The following ADAMTS6 variants were observed in gnomAD, a reference collection of about 807,000 sequenced individuals.
The protein encoded by ADAMTS6 is A disintegrin and metalloproteinase with thrombospondin motifs 6.
ADAMTS6 carries 23 observed loss-of-function variants against 144.3 expected under a neutral mutation model. That is an observed-to-expected ratio of 0.16 (90% confidence interval 0.11 to 0.23). The LOEUF (loss-of-function observed/expected upper bound fraction) is 0.23. ADAMTS6 is among the 10% of genes least tolerant of loss of function. ADAMTS6 has a pLI of 1.00. For synonymous variants in ADAMTS6, 444 were observed against 457.5 expected (o/e 0.97, Z 0.38); for missense variants, 999 against 1,379.6 (o/e 0.72, Z 4.37).
chr5:65,360,331 A>G (rs776212494), intron 7 of ADAMTS6, among the ~76,000 whole-genome samples: 2 of 152,144 alleles, frequency 1.3e-5, no homozygotes, highest in African/African-American at 2.4e-5. Context: ...AACCACAATA[A>G]ATCACCCCCA....
At chr5:65,265,643 C>A (rs1191484870) in intron 12 of ADAMTS6, among the ~76,000 whole-genome samples, 4 of 151,748 alleles carry the variant, frequency 2.6e-5, no homozygotes, top group Non-Finnish European at 5.9e-5. Flanking sequence ...TTAAAACATG[C>A]CTATTTTTTC....
intron 11 of ADAMTS6, among the ~76,000 whole-genome samples, chr5:65,275,357 A>AAGAAAGAAAG (rs1762394488): frequency 7.1e-5 from 1 of 14,136 alleles, no homozygotes; most frequent in Non-Finnish European, 1.7e-4. Flanking sequence ...AAAGAAGAGA[A>AAGAAAGAAAG]AGAAAGAAAG....
At chr5:65,198,178 A>G (rs1755509531) in intron 20 of ADAMTS6, among the ~76,000 whole-genome samples, 1 of 152,190 alleles carries the variant, frequency 6.6e-6, no homozygotes, top group Non-Finnish European at 1.5e-5. Context: ...AAAAGCACAC[A>G]CTAAGCTATT....
At chr5:65,238,557 G>A (rs183730571) in intron 15 of ADAMTS6, among the ~76,000 whole-genome samples, 11 of 150,764 alleles carry the variant, frequency 7.3e-5, no homozygotes, top group East Asian at 3.9e-4. Flanking sequence ...CCGAGATTGC[G>A]CCACTGCTCT....
chr5:65,445,418 A>G (rs1758194574), intron 7 of ADAMTS6, among the ~76,000 whole-genome samples: 1 of 152,082 alleles, frequency 6.6e-6, no homozygotes, highest in Non-Finnish European at 1.5e-5. Flanking sequence ...GTTCACTGCA[A>G]TCTCCGCCTC....
chr5:65,317,196 C>T (rs1245517234), intron 9 of ADAMTS6, among the ~76,000 whole-genome samples: 3 of 152,154 alleles, frequency 2.0e-5, no homozygotes, highest in African/African-American at 7.2e-5. Context: ...GTAGACAAAT[C>T]TACATATGCA....
intron 12 of ADAMTS6, among the ~76,000 whole-genome samples, chr5:65,270,836 C>T (rs569823629): frequency 1.3e-5 from 2 of 152,124 alleles, no homozygotes; most frequent in South Asian, 4.2e-4. Flanking sequence ...TCATGGAGGC[C>T]TTTGGAGGTA....
Position 65,334,026 on chromosome 5 carries a change from A to AAAAAAAAAAC in ADAMTS6, c.1117+15_1117+16insGTTTTTTTTT, listed in dbSNP as rs1747059895. 1 of 1,281,058 alleles carries AAAAAAAAAAC rather than the reference A, an allele frequency of 7.8e-7. No homozygotes were observed. The highest frequency in any genetic ancestry group is 1.0e-6 in the Non-Finnish European group (1 of 985,652). 79.4% of individuals were successfully genotyped at this position (1,281,058 alleles called of 1,614,324 possible). ...AAAAAAAAAAAAAAAAAAAAAAAAA[A>AAAAAAAAAAC]CCAAAAAAAACTTACCCAGTGTTCC... On this transcript the variant is annotated intron_variant, in intron 8 of 24. Coordinates refer to ENST00000381055, the MANE Select transcript of ADAMTS6 (RefSeq NM_197941.4).
chr5:65,259,697 T>C (rs956726849), intron 14 of ADAMTS6, among the ~76,000 whole-genome samples: 1 of 152,178 alleles, frequency 6.6e-6, no homozygotes, highest in Non-Finnish European at 1.5e-5. Context: ...TTTGTTTCAA[T>C]GGGAAACAAG....
chr5:65,216,691 G>T (rs1359095277), intron 18 of ADAMTS6, among the ~76,000 whole-genome samples: 1 of 151,564 alleles, frequency 6.6e-6, no homozygotes, highest in Non-Finnish European at 1.5e-5. Context: ...TCATAATATT[G>T]TGTTGTGAAA....
intron 14 of ADAMTS6, among the ~76,000 whole-genome samples, chr5:65,252,289 G>A (rs1164233747): frequency 6.6e-6 from 1 of 151,018 alleles, no homozygotes; most frequent in East Asian, 1.9e-4. Context: ...TAGGAATTCC[G>A]CTCGGAGCAA....
intron 22 of ADAMTS6, among the ~76,000 whole-genome samples, chr5:65,180,951 T>C (rs1483471494): frequency 1.3e-5 from 2 of 152,214 alleles, no homozygotes. Context: ...ATCTGTCATT[T>C]AATAAATACT....
chr5:65,241,221 T>C (rs1290942674), intron 15 of ADAMTS6, among the ~76,000 whole-genome samples: 1 of 149,220 alleles, frequency 6.7e-6, no homozygotes, highest in Non-Finnish European at 1.5e-5. Context: ...CTTAAGAGTA[T>C]ATTTCCTTTT....
chr5:65,472,832 T>C (rs1036587628), intron 2 of ADAMTS6, among the ~76,000 whole-genome samples: 3 of 152,196 alleles, frequency 2.0e-5, no homozygotes, highest in African/African-American at 4.8e-5. Context: ...GCCACACTTT[T>C]TAACATGGAT....
At chr5:65,175,872 G>GAA (rs35444401) in intron 22 of ADAMTS6, among the ~76,000 whole-genome samples, 2 of 144,418 alleles carry the variant, frequency 1.4e-5, no homozygotes. Flanking sequence ...GTAATTGAAG[G>GAA]AAAAAAAAAA....
intron 7 of ADAMTS6, among the ~76,000 whole-genome samples, chr5:65,365,400 C>T (rs1750210664): frequency 6.6e-6 from 1 of 152,118 alleles, no homozygotes; most frequent in African/African-American, 2.4e-5. Context: ...AATCCAAGCA[C>T]TTTGGGAGGC....
chr5:65,215,406 G>A lies in ADAMTS6; in HGVS notation c.2354C>T (p.Thr785Ile), dbSNP rs1016323183. 2 of 1,614,030 alleles carry A rather than the reference G, an allele frequency of 1.2e-6. No individual in the cohort carries two copies. Among genetic ancestry groups the A allele is most frequent in the African/African-American group, 2.7e-5 (2 of 75,042 alleles). Reference protein sequence around the residue: ...DWPRKFDVAGTAFHYKRPTDE... With the variant: ...DWPRKFDVAGIAFHYKRPTDE... ...AGTTGGTCTCTTGTAATGAAAAGCTGTCCCAGCAACATCAAATTTCCTAGG... is the reference window on the plus strand; with the variant it reads ...AGTTGGTCTCTTGTAATGAAAAGCTATCCCAGCAACATCAAATTTCCTAGG... Residue 785 changes from threonine to isoleucine, a missense_variant, in exon 19 of 25, where the codon ACA (threonine) becomes ATA (isoleucine). This residue lies in a region of ADAMTS6 where 619 missense variants were observed against 837.0 expected (regional missense o/e 0.74). Transcript: ENST00000381055.
intron 7 of ADAMTS6, among the ~76,000 whole-genome samples, chr5:65,424,932 A>T (rs141564105): frequency 6.6e-6 from 1 of 152,172 alleles, no homozygotes; most frequent in East Asian, 1.9e-4. Context: ...ATTCCGCTGT[A>T]TAATTTTTTA....
At chr5:65,275,388 AAAGAAAGAAAG>A (rs1762416047) in intron 11 of ADAMTS6, among the ~76,000 whole-genome samples, 1 of 147,510 alleles carries the variant, frequency 6.8e-6, no homozygotes, top group African/African-American at 2.5e-5. Context: ...AGAAAGAAAG[AAAGAAAGAAAG>A]AAAGAAAGAA....
Sources: gnomAD v4.1 joint callset for allele counts (sites outside exome capture counted in the v4.1 genomes callset) on GRCh38, gnomAD v4.1.1 for gene constraint, gnomAD v4.1.1 regional missense constraint, MANE v1.5 for transcripts, NCBI Gene and HGNC (gene_info 2026-07-23, HGNC 2026-07-21) for gene names.